Variants in ARL8B observed in about 807,000 individuals in gnomAD.
ARL8B encodes ARF like GTPase 8B.
In ARL8B, 9 loss-of-function variants were observed where a neutral mutation model predicts 30.6. The observed-to-expected ratio is 0.29, with a 90% CI of 0.18 to 0.51. ARL8B has a LOEUF of 0.51. ARL8B is among the 20% of genes least tolerant of loss of function. The pLI, the probability that ARL8B is intolerant of heterozygous loss-of-function variation, is 0.97. For missense variants in ARL8B, 130 were observed against 227.2 expected (o/e 0.57, Z 2.75); for synonymous variants, 74 against 76.0 (o/e 0.97, Z 0.14).
At chr3:5,128,584 A>C (rs1047476358) in intron 1 of ARL8B, 1 of 353,406 alleles carries the variant, frequency 2.8e-6, no homozygotes, top group Non-Finnish European at 5.6e-6. Flanking sequence ...TCAAAGATAT[A>C]GTAAGTGGAT....
chr3:5,135,625 CT>C (rs1219926177), intron 1 of ARL8B, among the ~76,000 whole-genome samples: 5 of 151,194 alleles, frequency 3.3e-5, no homozygotes, highest in African/African-American at 4.9e-5. Context: ...TGCTCAGCTA[CT>C]TTTTGTATTT....
chr3:5,159,297 CAAAAAAA>C (rs56033027), intron 1 of ARL8B, among the ~76,000 whole-genome samples: 4 of 53,012 alleles, frequency 7.5e-5, no homozygotes, highest in African/African-American at 1.6e-4. Flanking sequence ...GACTCTGTCT[CAAAAAAA>C]AAAAAAAAAA....
In ARL8B at chr3:5,122,631, G is replaced by T. The variant is rs768285246; in HGVS notation, c.123+43G>T. The T allele has an allele frequency of 1.9e-6, 3 of 1,569,706 alleles. No individual in the cohort carries two copies. The South Asian group carries it at 3.5e-5, about 18-fold the overall frequency. On this transcript the variant is annotated intron_variant, in intron 1 of 6. Coordinates refer to ENST00000256496, the MANE Select transcript of ARL8B (RefSeq NM_018184.3). ...CACTCGCCCGGGGCTCCGCAGCCAG[G>T]AGTCCGGCCCGGCGCTTCTCCAAGG...
intron 1 of ARL8B, among the ~76,000 whole-genome samples, chr3:5,132,089 G>C (rs62253640): frequency 0.36 from 54,647 of 151,692 alleles, 10,706 homozygotes; most frequent in African/African-American, 0.55. Flanking sequence ...GAATCTTGCT[G>C]TATTGCTCAG....
At chr3:5,153,924 T>TA (rs1399374507) in intron 1 of ARL8B, among the ~76,000 whole-genome samples, 1 of 129,168 alleles carries the variant, frequency 7.7e-6, no homozygotes, top group Non-Finnish European at 1.6e-5. Context: ...TTCAGACTGA[T>TA]AGTCTTTTTT....
chr3:5,148,040 C>T (rs1037503807), intron 1 of ARL8B, among the ~76,000 whole-genome samples: 11 of 151,814 alleles, frequency 7.2e-5, no homozygotes, highest in South Asian at 4.2e-4. Context: ...GTTCAGCTGG[C>T]AAGACTTCTT....
intron 2 of ARL8B, among the ~76,000 whole-genome samples, chr3:5,171,540 G>T (rs966618311): frequency 1.3e-5 from 2 of 151,986 alleles, no homozygotes; most frequent in East Asian, 3.9e-4. Context: ...TAGAGATGAG[G>T]TTTCACTGTG....
At chr3:5,173,277 T>C (rs2106572440) in intron 4 of ARL8B, among the ~76,000 whole-genome samples, 1 of 152,120 alleles carries the variant, frequency 6.6e-6, no homozygotes, top group East Asian at 1.9e-4. Context: ...TGGGAGGAAG[T>C]GGGAAACTGA....
chr3:5,133,701 G>A (rs576872875), intron 1 of ARL8B, among the ~76,000 whole-genome samples: 21 of 152,300 alleles, frequency 1.4e-4, no homozygotes, highest in African/African-American at 3.8e-4. Flanking sequence ...TGAGAAGGGT[G>A]TGGATCCTTT....
Position 5,165,259 on chromosome 3 carries a change from A to C in ARL8B, c.124-5244A>C, listed in dbSNP as rs1255624555. ...TTTTAAGTACTTTGCTAGCAAAAAAAAAATTGTTTGTAATTCTTTTTCTTA... is the reference window on the plus strand; with the variant it reads ...TTTTAAGTACTTTGCTAGCAAAAAACAAATTGTTTGTAATTCTTTTTCTTA... On this transcript the variant is annotated intron_variant, in intron 1 of 6. Coordinates refer to ENST00000256496, the MANE Select transcript of ARL8B (RefSeq NM_018184.3). Among the ~76,000 whole-genome samples the C allele has an allele frequency of 3.3e-5, 5 of 152,350 alleles. No homozygotes were observed. The East Asian group carries it at 9.6e-4, about 29-fold the overall frequency.
intron 1 of ARL8B, among the ~76,000 whole-genome samples, chr3:5,140,375 C>A (rs2054362014): frequency 4.6e-5 from 7 of 152,142 alleles, no homozygotes; most frequent in Admixed American, 4.6e-4. Flanking sequence ...GCATGGCTCT[C>A]ACTTCTCTCT....
chr3:5,122,858 A>G (rs1011830137), intron 1 of ARL8B, among the ~76,000 whole-genome samples: 1 of 152,232 alleles, frequency 6.6e-6, no homozygotes, highest in Admixed American at 6.5e-5. Context: ...GGGGCTCGGA[A>G]AGAGTTAAAT....
chr3:5,145,873 A>G (rs1403334349), intron 1 of ARL8B, among the ~76,000 whole-genome samples: 4 of 152,146 alleles, frequency 2.6e-5, no homozygotes, highest in Non-Finnish European at 5.9e-5. Flanking sequence ...TCTTTCCTTC[A>G]CTAATCAGGT....
chr3:5,169,776 A>C (rs2054655180), intron 1 of ARL8B, among the ~76,000 whole-genome samples: 1 of 152,194 alleles, frequency 6.6e-6, no homozygotes, highest in African/African-American at 2.4e-5. Context: ...AGTCCTGAGA[A>C]TTATAATGTC....
chr3:5,130,782 C>T (rs578262812), intron 1 of ARL8B, among the ~76,000 whole-genome samples: 13 of 151,746 alleles, frequency 8.6e-5, no homozygotes, highest in Admixed American at 5.9e-4. Flanking sequence ...GTGATCCGCC[C>T]GCCTCGGCCC....
intron 2 of ARL8B, 158 bp downstream of exon 2, chr3:5,170,741 T>C: frequency 3.5e-6 from 2 of 572,826 alleles, no homozygotes; most frequent in South Asian, 2.3e-5. Context: ...TTTTTTTGTT[T>C]TTTTTTTGGA....
At chr3:5,152,776 G>T (rs1194721089) in intron 1 of ARL8B, among the ~76,000 whole-genome samples, 1 of 152,148 alleles carries the variant, frequency 6.6e-6, no homozygotes, top group Non-Finnish European at 1.5e-5. Flanking sequence ...ATGAGCCACT[G>T]TGCCTAGACA....
intron 1 of ARL8B, among the ~76,000 whole-genome samples, chr3:5,127,370 TA>T (rs1347601255): frequency 1.3e-5 from 2 of 152,212 alleles, no homozygotes; most frequent in Non-Finnish European, 2.9e-5. Flanking sequence ...TAATTTAATT[TA>T]AAAAATCAGC....
chr3:5,140,603 C>T (rs1216716271), intron 1 of ARL8B, among the ~76,000 whole-genome samples: 7 of 150,840 alleles, frequency 4.6e-5, no homozygotes, highest in African/African-American at 1.7e-4. Flanking sequence ...CTTTAACTCT[C>T]TAGTGAATGT....
Sources: allele counts gnomAD v4.1 joint callset (sites outside exome capture counted in the v4.1 genomes callset), GRCh38; gene constraint gnomAD v4.1.1; transcripts MANE v1.5; gene names NCBI Gene and HGNC (gene_info 2026-07-23, HGNC 2026-07-21).